The following MARCHF1 variants were observed in gnomAD, a reference collection of about 807,000 sequenced individuals.
The protein encoded by MARCHF1 is membrane associated ring-CH-type finger 1.
Under a neutral mutation model 54.2 loss-of-function variants are expected in MARCHF1, and 40 were observed. That is an observed-to-expected ratio of 0.74 (90% CI 0.57 to 0.96). The LOEUF is 0.96. MARCHF1 is among the 40% of genes least tolerant of loss of function. The pLI, the probability that MARCHF1 is intolerant of heterozygous loss-of-function variation, is 0.00. For missense variants in MARCHF1, 586 were observed against 656.5 expected, an observed-to-expected ratio of 0.89 and a Z score of 1.17; for synonymous variants, 236 against 236.3, an observed-to-expected ratio of 1.00 and a Z score of 0.01.
At chr4:164,238,595 A>G (rs1268286598) in intron 1 of MARCHF1, among the ~76,000 whole-genome samples, 5 of 152,012 alleles carry the variant, frequency 3.3e-5, no homozygotes, top group Non-Finnish European at 7.4e-5. Flanking sequence ...AAAAAAATCC[A>G]TTATTCCATT....
chr4:163,868,596 T>C (rs899405130), intron 3 of MARCHF1, among the ~76,000 whole-genome samples: 1 of 152,002 alleles, frequency 6.6e-6, no homozygotes, highest in African/African-American at 2.4e-5. Context: ...CATATATCTA[T>C]ATATACCCAT....
At chr4:163,952,929 G>T (rs1398354847) in intron 3 of MARCHF1, among the ~76,000 whole-genome samples, 1 of 152,142 alleles carries the variant, frequency 6.6e-6, no homozygotes, top group Admixed American at 6.5e-5. Flanking sequence ...AGAAGAATGT[G>T]AGCCAATCCA....
At chr4:164,367,642 C>T (rs1039313401) in intron 1 of MARCHF1, among the ~76,000 whole-genome samples, 13 of 151,398 alleles carry the variant, frequency 8.6e-5, no homozygotes, top group African/African-American at 2.7e-4. Flanking sequence ...TTCCTTTTCC[C>T]CTTCTTTTTT....
At chr4:164,250,564 A>G (rs28651794) in intron 1 of MARCHF1, among the ~76,000 whole-genome samples, 17,635 of 152,110 alleles carry the variant, frequency 0.12, 1,604 homozygotes, top group African/African-American at 0.25. Context: ...TAAAGTTAAC[A>G]TCACTTATAT....
At chr4:163,890,833 T>C (rs1001638638) in intron 3 of MARCHF1, among the ~76,000 whole-genome samples, 1 of 152,070 alleles carries the variant, frequency 6.6e-6, no homozygotes, top group African/African-American at 2.4e-5. Context: ...TCTGGAAATT[T>C]TATTAATCTG....
At chr4:163,560,060 G>T (rs1399821600) in intron 8 of MARCHF1, among the ~76,000 whole-genome samples, 1 of 152,076 alleles carries the variant, frequency 6.6e-6, no homozygotes, top group East Asian at 1.9e-4. Context: ...CTTTTGAAAA[G>T]CAGATGTTTT....
intron 4 of MARCHF1, among the ~76,000 whole-genome samples, chr4:163,807,627 C>T (rs1360000347): frequency 1.3e-5 from 2 of 151,946 alleles, no homozygotes; most frequent in African/African-American, 4.8e-5. Flanking sequence ...TAAAATAATG[C>T]TAATGAAAAT....
chr4:163,961,588 T>C (rs940853252), intron 3 of MARCHF1, among the ~76,000 whole-genome samples: 2 of 151,884 alleles, frequency 1.3e-5, no homozygotes, highest in Admixed American at 6.6e-5. Context: ...TCTTGTCCTA[T>C]CTCGGTTTAC....
At chr4:163,667,612 T>C (rs972582803) in intron 5 of MARCHF1, among the ~76,000 whole-genome samples, 3 of 152,174 alleles carry the variant, frequency 2.0e-5, no homozygotes, top group South Asian at 4.1e-4. Flanking sequence ...CACTGCATAA[T>C]GTCCATTATT....
intron 1 of MARCHF1, among the ~76,000 whole-genome samples, chr4:164,202,383 G>A (rs144114695): frequency 2.6e-4 from 39 of 152,304 alleles, no homozygotes; most frequent in African/African-American, 8.9e-4. Flanking sequence ...AGTGTAAGGG[G>A]CAAAAGTGGC....
At chr4:164,003,400 T>G (rs996853215) in intron 2 of MARCHF1, among the ~76,000 whole-genome samples, 1 of 152,030 alleles carries the variant, frequency 6.6e-6, no homozygotes, top group African/African-American at 2.4e-5. Flanking sequence ...ATTGTCAGAC[T>G]GTATAAATAA....
intron 4 of MARCHF1, among the ~76,000 whole-genome samples, chr4:163,841,346 G>T (rs893146946): frequency 6.6e-6 from 1 of 151,966 alleles, no homozygotes; most frequent in Non-Finnish European, 1.5e-5. Context: ...GTTAACAGTT[G>T]GGGAGACTAT....
chr4:164,157,185 TATG>T (rs1730100907), intron 1 of MARCHF1, among the ~76,000 whole-genome samples: 1 of 151,520 alleles, frequency 6.6e-6, no homozygotes, highest in African/African-American at 2.4e-5. Context: ...TAAAAGATAT[TATG>T]GTATATATTA....
intron 4 of MARCHF1, among the ~76,000 whole-genome samples, chr4:163,770,521 AACACACACACACACACACAC>A (rs36201521): frequency 5.4e-5 from 8 of 147,206 alleles, no homozygotes; most frequent in Non-Finnish European, 9.0e-5. Context: ...TCCCTCACTG[AACACACACACACACACACAC>A]ACACACACAC....
At chr4:163,980,033 A>C (rs1377790432) in intron 3 of MARCHF1, among the ~76,000 whole-genome samples, 2 of 151,344 alleles carry the variant, frequency 1.3e-5, no homozygotes, top group Non-Finnish European at 2.9e-5. Flanking sequence ...GTTCATATGG[A>C]ACCAAAAAAG....
In MARCHF1 at chr4:164,285,159, T is replaced by C. The variant is rs1184336847; in HGVS notation, c.-323+98711A>G. Reference sequence around the variant, plus strand: ...AAAAATTGTGATCACTTTAGAACAATCATAATAAGACATGTCACTGGACAC... The same window carrying C: ...AAAAATTGTGATCACTTTAGAACAACCATAATAAGACATGTCACTGGACAC... On this transcript the variant is annotated intron_variant, in intron 1 of 9. Coordinates refer to ENST00000514618, the MANE Select transcript of MARCHF1 (RefSeq NM_001394959.1). Among the ~76,000 whole-genome samples, 12 of 152,262 alleles carry C rather than the reference T, an allele frequency of 7.9e-5. No homozygotes were observed. The South Asian group carries it at 2.5e-3, about 32-fold the overall frequency.
chr4:163,575,289 T>A (rs1284513954), intron 8 of MARCHF1, among the ~76,000 whole-genome samples: 1 of 151,832 alleles, frequency 6.6e-6, no homozygotes, highest in African/African-American at 2.4e-5. Flanking sequence ...CATTGAAAGC[T>A]TTTTCTGCAT....
At chr4:163,573,817 G>T (rs1285914390) in intron 8 of MARCHF1, among the ~76,000 whole-genome samples, 10 of 151,760 alleles carry the variant, frequency 6.6e-5, no homozygotes, top group African/African-American at 2.4e-4. Flanking sequence ...TAGTCCTTTG[G>T]GTATATACTC....
At chr4:163,553,727 G>T (rs1167656338) in intron 8 of MARCHF1, among the ~76,000 whole-genome samples, 1 of 152,168 alleles carries the variant, frequency 6.6e-6, no homozygotes, top group African/African-American at 2.4e-5. Context: ...CTGGGTGACA[G>T]ATTTCACAAA....
Sources: allele counts gnomAD v4.1 joint callset (sites outside exome capture counted in the v4.1 genomes callset), GRCh38; gene constraint gnomAD v4.1.1; transcripts MANE v1.5; gene names NCBI Gene and HGNC (gene_info 2026-07-23, HGNC 2026-07-21).